FANK1: variants seen among roughly 807,000 people sequenced by gnomAD.
FANK1 encodes the protein fibronectin type 3 and ankyrin repeat domains protein 1.
In FANK1, 44 loss-of-function variants were observed where a neutral mutation model predicts 45.3. That is an observed-to-expected ratio of 0.97 (90% CI 0.76 to 1.25). The LOEUF is 1.25. FANK1 is among the 50% of genes most tolerant of loss of function. FANK1 has a pLI of 0.00. For missense variants in FANK1, 391 were observed against 424.4 expected (o/e 0.92, Z 0.69); for synonymous variants, 149 against 152.5 (o/e 0.98, Z 0.17).
chr10:125,912,443 AGTGTGTGTGTGTGTGTGTGTGTGTGTGT>A (rs60956003), intron 1 of FANK1, among the ~76,000 whole-genome samples: 5 of 147,300 alleles, frequency 3.4e-5, no homozygotes, highest in East Asian at 2.0e-4. Context: ...GCACCACCAA[AGTGTGTGTGTGTGTGTGTGTGTGTGTGT>A]GTGTGTGTGT....
chr10:125,903,541 A>G (rs1461410550), intron 1 of FANK1, among the ~76,000 whole-genome samples: 2 of 152,050 alleles, frequency 1.3e-5, no homozygotes, highest in African/African-American at 2.4e-5. Flanking sequence ...CCTGTTGTGC[A>G]CTCCCTGAGA....
At chr10:125,956,856 C>T (rs1275101523) in intron 1 of FANK1, among the ~76,000 whole-genome samples, 2 of 152,128 alleles carry the variant, frequency 1.3e-5, no homozygotes, top group Non-Finnish European at 2.9e-5. Context: ...GTAGTATAGG[C>T]TTCTAATGTA....
chr10:125,985,727 AG>A (rs1459815278), intron 2 of FANK1, among the ~76,000 whole-genome samples: 1 of 152,194 alleles, frequency 6.6e-6, no homozygotes, highest in Non-Finnish European at 1.5e-5. Context: ...TAATTTGGCT[AG>A]GGTGTTGATG....
intron 1 of FANK1, among the ~76,000 whole-genome samples, chr10:125,917,151 T>C (rs1946514319): frequency 6.6e-6 from 1 of 152,208 alleles, no homozygotes; most frequent in African/African-American, 2.4e-5. Flanking sequence ...CTAAATGCTG[T>C]GTCATCAAAC....
At chr10:125,970,136 T>G (rs935605434) in intron 1 of FANK1, among the ~76,000 whole-genome samples, 1 of 152,202 alleles carries the variant, frequency 6.6e-6, no homozygotes, top group Non-Finnish European at 1.5e-5. Context: ...AATGAGCTGT[T>G]GGGTACACCT....
chr10:125,914,280 C>CATATATATATAT (rs572373307), intron 1 of FANK1, among the ~76,000 whole-genome samples: 2,618 of 140,268 alleles, frequency 0.019, 176 homozygotes, highest in African/African-American at 0.071. Context: ...CTTTGTATGC[C>CATATATATATAT]ATATATATAT....
At chr10:125,908,377 A>T (rs1359548899) in intron 1 of FANK1, among the ~76,000 whole-genome samples, 1 of 152,222 alleles carries the variant, frequency 6.6e-6, no homozygotes, top group African/African-American at 2.4e-5. Flanking sequence ...GAACGAATGG[A>T]TAAAGAAAAT....
intron 1 of FANK1, among the ~76,000 whole-genome samples, chr10:125,937,442 G>A (rs1347646540): frequency 6.6e-6 from 1 of 152,160 alleles, no homozygotes; most frequent in East Asian, 1.9e-4. Flanking sequence ...AAAAGATTCT[G>A]CTTCACAACT....
At chr10:125,995,353 G>C in intron 3 of FANK1, 64 bp from the exon 4 acceptor site, 1 of 1,482,598 alleles carries the variant, frequency 6.7e-7, no homozygotes, top group East Asian at 2.3e-5. Flanking sequence ...ACAGGAGGAC[G>C]ATGGCGGGAA....
chr10:125,969,529 A>T (rs561683887), intron 1 of FANK1, among the ~76,000 whole-genome samples: 1 of 152,318 alleles, frequency 6.6e-6, no homozygotes, highest in East Asian at 1.9e-4. Context: ...AGTTCTCAAG[A>T]GTGTTTGTAC....
rs1168982001 is a variant in FANK1, at chr10:125,951,051, C to T, written c.14-29110C>T. ...AGGTGGGAATTGAACAATGAGATCA[C>T]ATGGACACAGGAAGGGGAATATCAC... On this transcript the variant is annotated intron_variant, in intron 1 of 10. Transcript: ENST00000368693. Among the ~76,000 whole-genome samples, 54 of 129,680 alleles carry T rather than the reference C, an allele frequency of 4.2e-4. 1 individual carries two copies. Among genetic ancestry groups the T allele is most frequent in the African/African-American group, 1.4e-3 (48 of 33,804 alleles). 85.1% of individuals were successfully genotyped at this position (129,680 alleles called of 152,430 possible). A position where few individuals can be genotyped will look rare whatever the true frequency, so the allele number is the denominator to read the frequency against.
chr10:126,007,607 T>G (rs891188809), intron 7 of FANK1, among the ~76,000 whole-genome samples: 12 of 151,964 alleles, frequency 7.9e-5, no homozygotes, highest in African/African-American at 2.9e-4. Context: ...TGGATCATCT[T>G]TGAGTAATTC....
At chr10:125,991,250 G>GCTGT (rs1554946302) in intron 3 of FANK1, among the ~76,000 whole-genome samples, 6 of 146,000 alleles carry the variant, frequency 4.1e-5, no homozygotes, top group African/African-American at 1.3e-4. Context: ...GGTGACCAGG[G>GCTGT]GTGTGTGTGT....
intron 1 of FANK1, among the ~76,000 whole-genome samples, chr10:125,911,242 G>C (rs1428349802): frequency 6.6e-6 from 1 of 152,136 alleles, no homozygotes; most frequent in East Asian, 1.9e-4. Flanking sequence ...TGGAAGTGGT[G>C]GTTGCAGTGA....
rs1038790685 is a variant in FANK1 at position 125,983,444 on chromosome 10, T to C, written c.191+3106T>C. Among the ~76,000 whole-genome samples the C allele has an allele frequency of 6.6e-6, 1 of 152,064 alleles. No individual in the cohort carries two copies. The highest frequency in any genetic ancestry group is 1.5e-5 in the Non-Finnish European group (1 of 68,024). On this transcript the variant is annotated intron_variant, in intron 2 of 10. Transcript: ENST00000368693. This position sits in a 1 kb window ranked among gnomAD's most constrained non-coding sequence, Gnocchi z 4.3. ...TGATGAAGGCAAACAATAAATAAGA[T>C]ACATAAGTAAAAATAGGTAGTCAGC...
At chr10:125,997,302 A>G (rs2134221064) in intron 5 of FANK1, 118 bp from the exon 6 acceptor site, 1 of 687,060 alleles carries the variant, frequency 1.5e-6, no homozygotes, top group Non-Finnish European at 2.3e-6. Context: ...CTGAAGGTGC[A>G]GAAGAAACTG....
intron 2 of FANK1, among the ~76,000 whole-genome samples, chr10:125,982,391 T>A (rs139950159): frequency 1.2e-4 from 19 of 152,336 alleles, no homozygotes; most frequent in African/African-American, 4.6e-4. Flanking sequence ...GCACTCTCAC[T>A]CTGACGACAG....
At chr10:125,913,567 T>C (rs1297862855) in intron 1 of FANK1, among the ~76,000 whole-genome samples, 3 of 152,206 alleles carry the variant, frequency 2.0e-5, no homozygotes, top group South Asian at 2.1e-4. Flanking sequence ...TTGCCACCAC[T>C]ACTTCCAAAT....
chr10:125,935,016 T>C (rs1460783539), intron 1 of FANK1, among the ~76,000 whole-genome samples: 1 of 152,104 alleles, frequency 6.6e-6, no homozygotes, highest in African/African-American at 2.4e-5. Flanking sequence ...GAGGCTATGC[T>C]GTGCATGCCC....
Sources: gnomAD v4.1 joint callset for allele counts (sites outside exome capture counted in the v4.1 genomes callset) on GRCh38, gnomAD v4.1.1 for gene constraint, Gnocchi (gnomAD v3.1) non-coding constraint, MANE v1.5 for transcripts, NCBI Gene and HGNC (gene_info 2026-07-23, HGNC 2026-07-21) for gene names.